Variants in WDR49 observed in about 807,000 individuals in gnomAD.
The protein encoded by WDR49 is cilia- and flagella-associated protein 337.
A neutral mutation model predicts 119.5 loss-of-function variants in WDR49; 107 were observed. That is an observed-to-expected ratio of 0.90 (90% CI 0.77 to 1.05). WDR49 has a LOEUF of 1.05. Among genes scored for constraint, WDR49 ranks in the 50% least tolerant of loss-of-function variants. The probability of loss-of-function intolerance (pLI) is 0.00; values close to 1 mark genes in which losing one functional copy is unlikely to be tolerated. For synonymous variants in WDR49, 425 were observed against 418.8 expected (o/e 1.01, Z -0.18); for missense variants, 1,240 against 1,220.5 (o/e 1.02, Z -0.24).
At chr3:167,600,390 T>C (rs1027623547) in intron 7 of WDR49, among the ~76,000 whole-genome samples, 5 of 152,210 alleles carry the variant, frequency 3.3e-5, no homozygotes, top group African/African-American at 9.6e-5. Context: ...AGGGAAGGGG[T>C]GGCATTGGTA....
At chr3:167,489,911 T>C (rs1751067299) in intron 18 of WDR49, among the ~76,000 whole-genome samples, 1 of 152,266 alleles carries the variant, frequency 6.6e-6, no homozygotes, top group South Asian at 2.1e-4. Context: ...ATCAAACTTA[T>C]ATGTGCATAA....
At chr3:167,483,510 C>T (rs1178042518) in intron 18 of WDR49, among the ~76,000 whole-genome samples, 1 of 151,960 alleles carries the variant, frequency 6.6e-6, no homozygotes, top group African/African-American at 2.4e-5. Flanking sequence ...AGTTAACAAA[C>T]AGATTATAAA....
At chr3:167,656,238 T>G (rs1168562270), upstream of WDR49, among the ~76,000 whole-genome samples, 1 of 152,200 alleles carries the variant, frequency 6.6e-6, no homozygotes, top group Non-Finnish European at 1.5e-5. Context: ...GAAAACATTT[T>G]TAAGCCCTAA....
chr3:167,561,055 T>C (rs1263368160), intron 8 of WDR49, among the ~76,000 whole-genome samples: 3 of 152,212 alleles, frequency 2.0e-5, no homozygotes, highest in South Asian at 2.1e-4. Context: ...TAAAGCAATA[T>C]GTAGATTTTA....
At chr3:167,631,445 T>C (rs1469563498) in intron 2 of WDR49, among the ~76,000 whole-genome samples, 1 of 152,088 alleles carries the variant, frequency 6.6e-6, no homozygotes, top group Non-Finnish European at 1.5e-5. Context: ...TTTGCCACTC[T>C]GCACATGTCT....
At chr3:167,528,123 C>CA in intron 14 of WDR49, 106 bp from the exon 15 acceptor site, 1 of 877,960 alleles carries the variant, frequency 1.1e-6, no homozygotes, top group Non-Finnish European at 1.7e-6. Context: ...GGAACAATAA[C>CA]CTATGATCCA....
At chr3:167,597,264 G>A (rs1577265140) in intron 7 of WDR49, among the ~76,000 whole-genome samples, 1 of 152,228 alleles carries the variant, frequency 6.6e-6, no homozygotes, top group Admixed American at 6.5e-5. Context: ...AAGGGTGCAA[G>A]CTCCAAGCAT....
At chr3:167,604,567 C>T (rs772765185) in intron 5 of WDR49, 99 bp from the exon 6 acceptor site, 33 of 1,222,266 alleles carry the variant, frequency 2.7e-5, no homozygotes, top group African/African-American at 2.0e-4. Flanking sequence ...AAAAATTAAA[C>T]TCAAACTATG....
At chr3:167,563,581 CA>C (rs1713409166) in intron 8 of WDR49, among the ~76,000 whole-genome samples, 1 of 152,012 alleles carries the variant, frequency 6.6e-6, no homozygotes, top group African/African-American at 2.4e-5. Context: ...TATTAAAAAA[CA>C]TTTTTGGATT....
intron 5 of WDR49, among the ~76,000 whole-genome samples, chr3:167,619,420 T>C (rs1213915494): frequency 6.6e-6 from 1 of 152,104 alleles, no homozygotes; most frequent in African/African-American, 2.4e-5. Flanking sequence ...ATTAATATCA[T>C]GCAGAATTTA....
chr3:167,505,106 G>A lies in WDR49; in HGVS notation c.2884+201C>T, dbSNP rs562675357. On this transcript the variant is annotated intron_variant, in intron 17 of 18. Coordinates refer to ENST00000682715, the MANE Select transcript of WDR49 (RefSeq NM_001366157.1). ...CTGACTAAGACCTTACACTTTTTCC[G>A]CTAGTATTCTGTGGAGCCTTGGACA... Among the ~76,000 whole-genome samples the A allele has an allele frequency of 4.3e-4, 65 of 152,100 alleles. 2 individuals are homozygous for A. Among genetic ancestry groups the A allele is most frequent in the East Asian group, 7.7e-4 (4 of 5,162 alleles).
At chr3:167,587,512 G>A (rs1241397879) in intron 7 of WDR49, among the ~76,000 whole-genome samples, 1 of 152,008 alleles carries the variant, frequency 6.6e-6, no homozygotes. Flanking sequence ...TTGAGACAGG[G>A]TCCCTCTCTG....
chr3:167,594,588 C>T (rs1294640307), intron 7 of WDR49, among the ~76,000 whole-genome samples: 1 of 152,124 alleles, frequency 6.6e-6, no homozygotes, highest in African/African-American at 2.4e-5. Context: ...TAAAGGGAAG[C>T]AGAACATAAA....
At chr3:167,575,068 C>A (rs1714160028) in intron 8 of WDR49, 2 of 985,356 alleles carry the variant, frequency 2.0e-6, no homozygotes, top group Admixed American at 1.2e-4. Context: ...GAAGCTTCTG[C>A]AGAAGGGAAA....
intron 8 of WDR49, chr3:167,566,907 A>G (rs987157859): frequency 2.7e-5 from 18 of 670,810 alleles, no homozygotes; most frequent in Admixed American, 2.3e-4. Context: ...GAGGAGGAGG[A>G]AAAGAAAGGG....
At chr3:167,648,361 C>G (rs140948447) in intron 2 of WDR49, among the ~76,000 whole-genome samples, 2 of 151,778 alleles carry the variant, frequency 1.3e-5, no homozygotes, top group African/African-American at 2.4e-5. Context: ...GCAATAGGAC[C>G]GACTATTAAA....
upstream of WDR49, among the ~76,000 whole-genome samples, chr3:167,655,404 A>C (rs1333837201): frequency 6.6e-6 from 1 of 152,172 alleles, no homozygotes; most frequent in East Asian, 1.9e-4. Context: ...CTGTAAACTA[A>C]AAAGTTGGCA....
At chr3:167,566,956 T>C in intron 8 of WDR49, 1 of 601,936 alleles carries the variant, frequency 1.7e-6, no homozygotes, top group Middle Eastern at 2.8e-4. Flanking sequence ...ACCAAAGAGG[T>C]GGAGGAGGTG....
intron 7 of WDR49, among the ~76,000 whole-genome samples, chr3:167,592,417 G>C (rs1047811766): frequency 1.3e-5 from 2 of 150,592 alleles, no homozygotes; most frequent in African/African-American, 2.4e-5. Context: ...TGTACCGTTA[G>C]ATGATTTCTT....
Sources: allele counts gnomAD v4.1 joint callset (sites outside exome capture counted in the v4.1 genomes callset), GRCh38; gene constraint gnomAD v4.1.1; transcripts MANE v1.5; gene names NCBI Gene and HGNC (gene_info 2026-07-23, HGNC 2026-07-21).